FBLN2: variants seen among roughly 807,000 people sequenced by gnomAD.
FBLN2 encodes the protein fibulin-2.
FBLN2 carries 81 observed loss-of-function variants against 123.7 expected under a neutral mutation model. The ratio of observed to expected loss-of-function variants is 0.65; its 90% CI spans 0.55 to 0.79. FBLN2 has a LOEUF of 0.79. Among genes scored for constraint, FBLN2 ranks in the 30% least tolerant of loss-of-function variants. The pLI is 0.00. For missense variants in FBLN2, 1,603 were observed against 1,681.3 expected (o/e 0.95, Z 0.81); for synonymous variants, 699 against 701.4 (o/e 1.00, Z 0.05).
chr3:13,608,127 G>C lies in FBLN2; in HGVS notation c.1372G>C (p.Glu458Gln). The C allele has an allele frequency of 6.3e-7, 1 of 1,598,418 alleles. No homozygotes were observed. Among genetic ancestry groups the C allele is most frequent in the Non-Finnish European group, 8.5e-7 (1 of 1,172,772 alleles). The change falls in exon 3 of 18, where the codon GAG (glutamate) becomes CAG (glutamine). Residue 458 changes from glutamate (E) to glutamine (Q), a missense_variant. Coordinates refer to ENST00000404922, the MANE Select transcript of FBLN2 (RefSeq NM_001004019.2). ...AGQQWAIDND[E>Q]CLEIPESGTE... The stretch of plus-strand genomic sequence containing the variant: ...ACAGCAGTGGGCCATTGACAATGAC[G>C]AGTGCCTGGAGATCCCTGAGAGTGG...
At chr3:13,609,674 T>TGGGG in intron 4 of FBLN2, 32 bp downstream of exon 4, 1 of 62,554 alleles carries the variant, frequency 1.6e-5, no homozygotes, top group Non-Finnish European at 2.8e-5. Context: ...CAAGGCAGGG[T>TGGGG]GGGGTGGGGC....
chr3:13,568,687 G>A (rs1239579189), intron 1 of FBLN2: 10 of 830,926 alleles, frequency 1.2e-5, no homozygotes, highest in Admixed American at 6.2e-5. Context: ...CTCCTCTTCC[G>A]CCGGACTGAC....
In FBLN2 at chr3:13,629,238, C is replaced by T. The variant is rs377664970; in HGVS notation, c.2788C>T (p.Arg930Cys). The T allele has an allele frequency of 1.7e-5, 27 of 1,613,118 alleles. No individual in the cohort carries two copies. Among genetic ancestry groups the T allele is most frequent in the South Asian group, 2.2e-5 (2 of 91,060 alleles). ...QVCHNLPGSY[R>C]CDCKAGFQRD... ...GTGCCACAACCTCCCTGGCTCCTAC[C>T]GCTGTGACTGCAAAGCCGGCTTTCA... The change falls in exon 13 of 18, where the codon CGC becomes TGC. Residue 930 changes from arginine to cysteine, a missense_variant. By Grantham distance (180) the Arg-to-Cys change is radical. Transcript: ENST00000404922.
intron 2 of FBLN2, among the ~76,000 whole-genome samples, chr3:13,591,534 T>C (rs1471851953): frequency 1.3e-5 from 2 of 152,130 alleles, no homozygotes; most frequent in African/African-American, 4.8e-5. Context: ...GTGATCCACC[T>C]ACCTCAGCCT....
At position 13,621,865 on chromosome 3, in the gene FBLN2, C is replaced by G; in HGVS notation, c.2246C>G (p.Thr749Arg). ...TLGSFYCVNHTVLCADGYILN... is the reference protein window; with the variant it reads ...TLGSFYCVNHRVLCADGYILN... The stretch of plus-strand genomic sequence containing the variant: ...GGATCCTTCTACTGTGTCAACCACA[C>G]AGTGCTCTGTGCCGATGGCTATATC... The change falls in exon 9 of 18, where the codon ACA becomes AGA. Residue 749 changes from threonine (T) to arginine (R), a missense_variant. Physicochemically the swap from Thr to Arg is moderately conservative, Grantham distance 71. Coordinates refer to ENST00000404922, the MANE Select transcript of FBLN2 (RefSeq NM_001004019.2). The G allele has an allele frequency of 6.2e-7, 1 of 1,614,010 alleles. No homozygotes were observed. Among genetic ancestry groups the G allele is most frequent in the Non-Finnish European group, 8.5e-7 (1 of 1,179,882 alleles).
chr3:13,624,753 G>C (rs1340786326), intron 9 of FBLN2, among the ~76,000 whole-genome samples: 8 of 152,248 alleles, frequency 5.3e-5, no homozygotes, highest in East Asian at 3.8e-4. Flanking sequence ...GCCGGGGCTG[G>C]GGCCGACACA....
chr3:13,560,215 A>G (rs2125035255), intron 1 of FBLN2, among the ~76,000 whole-genome samples: 1 of 152,122 alleles, frequency 6.6e-6, no homozygotes, highest in South Asian at 2.1e-4. Flanking sequence ...AAATTTAGGG[A>G]GCTTTTTATT....
Position 13,570,926 on chromosome 3 carries a change from C to G in FBLN2, c.571C>G (p.Arg191Gly). The G allele has an allele frequency of 6.2e-7, 1 of 1,612,780 alleles. No homozygotes were observed. The highest frequency in any genetic ancestry group is 8.5e-7 in the Non-Finnish European group (1 of 1,179,576). Reference protein sequence around the residue: ...FSDAEEGDPERHYEDPYSYDQ... With the variant: ...FSDAEEGDPEGHYEDPYSYDQ... Reference sequence around the variant, plus strand: ...AGATGCCGAGGAGGGTGACCCCGAGCGACACTACGAAGACCCCTACAGCTA... The same window carrying G: ...AGATGCCGAGGAGGGTGACCCCGAGGGACACTACGAAGACCCCTACAGCTA... Residue 191 changes from arginine to glycine, a missense_variant, in exon 2 of 18, where the codon CGA becomes GGA. Coordinates refer to ENST00000404922, the MANE Select transcript of FBLN2 (RefSeq NM_001004019.2).
chr3:13,559,289 G>A (rs773419212), intron 1 of FBLN2, among the ~76,000 whole-genome samples: 13 of 152,022 alleles, frequency 8.6e-5, no homozygotes, highest in Non-Finnish European at 8.8e-5. Flanking sequence ...CAGTTTTTCA[G>A]TTAGCTTCAG....
intron 2 of FBLN2, among the ~76,000 whole-genome samples, chr3:13,585,411 A>T (rs1364703219): frequency 6.6e-6 from 1 of 152,202 alleles, no homozygotes. Context: ...CAGATCAATC[A>T]GTGCCTGGTC....
At chr3:13,629,652 G>A (rs1384553122) in intron 13 of FBLN2, among the ~76,000 whole-genome samples, 168 bp from the exon 14 acceptor site, 1 of 152,066 alleles carries the variant, frequency 6.6e-6, no homozygotes, top group African/African-American at 2.4e-5. Context: ...CTGCCTCCCC[G>A]CCACCTGGTC....
chr3:13,634,197 C>G (rs563125416), intron 16 of FBLN2, among the ~76,000 whole-genome samples: 7 of 152,230 alleles, frequency 4.6e-5, no homozygotes, highest in African/African-American at 1.7e-4. Flanking sequence ...CTGTTTCGTC[C>G]TTTTTGCTCT....
intron 2 of FBLN2, among the ~76,000 whole-genome samples, chr3:13,577,940 T>C (rs1704202292): frequency 1.3e-5 from 2 of 152,208 alleles, no homozygotes; most frequent in Admixed American, 1.3e-4. Flanking sequence ...ACTGTCATCT[T>C]GGGGCTGTAG....
chr3:13,555,479 G>A (rs1428715777), intron 1 of FBLN2, among the ~76,000 whole-genome samples: 3 of 151,382 alleles, frequency 2.0e-5, no homozygotes, highest in Non-Finnish European at 4.4e-5. Context: ...TTTTGAGATG[G>A]AGTCTCGCTA....
At chr3:13,604,958 G>T (rs975182412) in intron 2 of FBLN2, among the ~76,000 whole-genome samples, 1 of 152,198 alleles carries the variant, frequency 6.6e-6, no homozygotes, top group Non-Finnish European at 1.5e-5. Flanking sequence ...GTGCCCTTAC[G>T]TGAACTGCTC....
At chr3:13,635,247 C>T (rs1367069182) in intron 16 of FBLN2, among the ~76,000 whole-genome samples, 1 of 152,062 alleles carries the variant, frequency 6.6e-6, no homozygotes, top group Non-Finnish European at 1.5e-5. Context: ...TGGAACACCC[C>T]CTGCCCCTAC....
intron 2 of FBLN2, among the ~76,000 whole-genome samples, chr3:13,607,255 G>A (rs990229689): frequency 6.6e-6 from 1 of 152,146 alleles, no homozygotes; most frequent in African/African-American, 2.4e-5. Flanking sequence ...CAAAGTGCTG[G>A]GATAACAGGC....
intron 4 of FBLN2, 168 bp from the exon 5 acceptor site, chr3:13,613,816 C>T: frequency 1.6e-6 from 1 of 640,410 alleles, no homozygotes; most frequent in African/African-American, 1.8e-5. Context: ...CCTACCTGTG[C>T]CAGACTTGGG....
In FBLN2 at chr3:13,549,225, C is replaced by T. The variant is rs1264804655; in HGVS notation, c.-42+17C>T. The T allele has an allele frequency of 2.0e-6, 2 of 983,606 alleles. No individual in the cohort carries two copies. The highest frequency in any genetic ancestry group is 1.2e-4 in the Admixed American group (2 of 16,142). The allele number at this position is 983,606 out of a possible 1,614,324, so 60.9% of individuals were successfully genotyped here. A position where few individuals can be genotyped will look rare whatever the true frequency, so the allele number is the denominator to read the frequency against. On this transcript the variant is annotated intron_variant, in intron 1 of 17. Transcript: ENST00000404922. ...TGCCCCGCGGTGAGTGCACGCGGCC[C>T]CTCCCGCCCGGACTCATCCCCGTCG...
Sources: allele counts gnomAD v4.1 joint callset (sites outside exome capture counted in the v4.1 genomes callset), GRCh38; gene constraint gnomAD v4.1.1; transcripts MANE v1.5; gene names NCBI Gene and HGNC (gene_info 2026-07-23, HGNC 2026-07-21).